The following CPXM2 variants were observed in gnomAD, a reference collection of about 807,000 sequenced individuals.
The protein encoded by CPXM2 is carboxypeptidase X, M14 family member 2, also known as inactive carboxypeptidase-like protein X2.
CPXM2 carries 66 observed loss-of-function variants against 86.1 expected under a neutral mutation model. That is an observed-to-expected ratio of 0.77 (90% CI 0.63 to 0.94). CPXM2 has a LOEUF of 0.94. CPXM2 is among the 40% of genes least tolerant of loss of function. The pLI is 0.00. For synonymous variants in CPXM2, 388 were observed against 400.2 expected (o/e 0.97, Z 0.36); for missense variants, 948 against 1,026.3 (o/e 0.92, Z 1.04).
intron 7 of CPXM2, among the ~76,000 whole-genome samples, chr10:123,779,283 G>A (rs904346254): frequency 1.1e-4 from 17 of 152,186 alleles, no homozygotes; most frequent in Non-Finnish European, 2.9e-5. Context: ...GGATTTCATA[G>A]GCACCGCACT....
intron 6 of CPXM2, among the ~76,000 whole-genome samples, chr10:123,781,315 T>A (rs999907408): frequency 6.6e-6 from 1 of 152,190 alleles, no homozygotes. Context: ...TGCATTCCTA[T>A]AAGCCTGTAT....
intron 2 of CPXM2, among the ~76,000 whole-genome samples, chr10:123,875,395 TCACTCC>T (rs1237502045): frequency 1.3e-5 from 2 of 152,196 alleles, no homozygotes; most frequent in Non-Finnish European, 2.9e-5. Context: ...ACCTCCCCTG[TCACTCC>T]CATAGGAGTC....
chr10:123,785,754 TC>T (rs1173522163), intron 6 of CPXM2, among the ~76,000 whole-genome samples: 2 of 150,942 alleles, frequency 1.3e-5, no homozygotes, highest in African/African-American at 2.4e-5. Context: ...TGTCTCAGCC[TC>T]CCGAGTAGCT....
chr10:123,797,987 C>T lies in CPXM2; in HGVS notation c.878G>A (p.Cys293Tyr), dbSNP rs765155654. Residue 293 changes from cysteine (C) to tyrosine (Y), a missense_variant, in exon 6 of 14, where the codon TGC becomes TAC. Cys to Tyr is a radical substitution (Grantham distance 194, BLOSUM62 -2). Transcript: ENST00000241305. ...SICMRMEILG[C>Y]PLPDPNNYYH... Reference sequence around the variant, plus strand: ...GAGGGTGAACTCACCTGGCAGTGGGCAGCCCAGGATCTCCATTCTCATGCA... The same window carrying T: ...GAGGGTGAACTCACCTGGCAGTGGGTAGCCCAGGATCTCCATTCTCATGCA... 1.9e-6 allele frequency: 3 copies of T among 1,601,258 alleles called. No homozygotes were observed. Among genetic ancestry groups the T allele is most frequent in the Non-Finnish European group, 2.6e-6 (3 of 1,173,920 alleles).
At chr10:123,747,271 C>G (rs541031337) in intron 13 of CPXM2, among the ~76,000 whole-genome samples, 1 of 152,224 alleles carries the variant, frequency 6.6e-6, no homozygotes, top group Admixed American at 6.5e-5. Flanking sequence ...AGGAGCAAAG[C>G]TGGAGAGCCG....
At chr10:123,893,698 G>C (rs1229667790), upstream of CPXM2, among the ~76,000 whole-genome samples, 1 of 151,982 alleles carries the variant, frequency 6.6e-6, no homozygotes, top group Admixed American at 6.6e-5. Flanking sequence ...TATCCCCAGG[G>C]CTCACTCCTG....
At chr10:123,828,459 T>A (rs59876900) in intron 4 of CPXM2, among the ~76,000 whole-genome samples, 27,703 of 152,188 alleles carry the variant, frequency 0.18, 3,378 homozygotes, top group East Asian at 0.4. Context: ...TTTTCCATGC[T>A]GTTCTCATGA....
At chr10:123,749,132 C>A (rs1426854059) in intron 13 of CPXM2, among the ~76,000 whole-genome samples, 2 of 152,090 alleles carry the variant, frequency 1.3e-5, no homozygotes, top group African/African-American at 4.8e-5. Flanking sequence ...TCTCAGCTAC[C>A]AAGGGTGCTC....
intron 6 of CPXM2, among the ~76,000 whole-genome samples, chr10:123,786,842 T>C (rs944878294): frequency 6.6e-6 from 1 of 152,200 alleles, no homozygotes; most frequent in African/African-American, 2.4e-5. Context: ...TTTCTTCAAA[T>C]GTTCACCTAT....
At chr10:123,877,803 C>T (rs926318272) in intron 2 of CPXM2, among the ~76,000 whole-genome samples, 1 of 152,228 alleles carries the variant, frequency 6.6e-6, no homozygotes, top group Non-Finnish European at 1.5e-5. Flanking sequence ...CCACAGCTGA[C>T]ACTACTCCTT....
At chr10:123,803,076 T>G (rs1056696059) in intron 4 of CPXM2, among the ~76,000 whole-genome samples, 1 of 147,474 alleles carries the variant, frequency 6.8e-6, no homozygotes, top group African/African-American at 2.5e-5. Context: ...ATTGCAAACA[T>G]CTCCTCCAAT....
At chr10:123,937,645 C>T (rs1945735726) in intron 2 of CPXM2, among the ~76,000 whole-genome samples, 1 of 152,138 alleles carries the variant, frequency 6.6e-6, no homozygotes, top group South Asian at 2.1e-4. Flanking sequence ...CTTGACAGTT[C>T]CTTGAAGCTC....
chr10:123,770,591 A>G (rs1846603863), intron 8 of CPXM2, among the ~76,000 whole-genome samples: 2 of 152,240 alleles, frequency 1.3e-5, no homozygotes, highest in Non-Finnish European at 2.9e-5. Context: ...GGAATCCTGA[A>G]GGAGGAGGAA....
intron 5 of CPXM2, 101 bp downstream of exon 5, chr10:123,799,014 G>A: frequency 7.3e-7 from 1 of 1,370,924 alleles, no homozygotes; most frequent in South Asian, 1.2e-5. Flanking sequence ...AGTTGACAGA[G>A]AATCCACAAA....
chr10:123,780,849 A>G (rs1846917594), intron 6 of CPXM2, among the ~76,000 whole-genome samples: 1 of 152,212 alleles, frequency 6.6e-6, no homozygotes, highest in East Asian at 1.9e-4. Context: ...TGACTGGACA[A>G]TCAGAACACA....
chr10:123,904,112 G>A (rs1386084986), intron 2 of CPXM2, among the ~76,000 whole-genome samples: 2 of 152,174 alleles, frequency 1.3e-5, no homozygotes, highest in African/African-American at 4.8e-5. Flanking sequence ...AACCTTCCCA[G>A]TTATTTATTA....
At chr10:123,855,007 C>T (rs1023968544) in intron 3 of CPXM2, among the ~76,000 whole-genome samples, 2 of 151,658 alleles carry the variant, frequency 1.3e-5, no homozygotes, top group African/African-American at 2.4e-5. Flanking sequence ...GTCCTTCTAC[C>T]GGCTTGTATG....
chr10:123,858,959 T>C (rs1385447296), intron 3 of CPXM2, among the ~76,000 whole-genome samples: 1 of 152,194 alleles, frequency 6.6e-6, no homozygotes, highest in Non-Finnish European at 1.5e-5. Context: ...ACCTGCACCT[T>C]CCTGATGACG....
At chr10:123,767,349 G>T (rs979274627) in intron 9 of CPXM2, among the ~76,000 whole-genome samples, 197 bp from the exon 10 acceptor site, 2 of 152,172 alleles carry the variant, frequency 1.3e-5, no homozygotes, top group African/African-American at 4.8e-5. Context: ...AGATAGTTCA[G>T]CCAAATTACT....
Sources: gnomAD v4.1 joint callset for allele counts (sites outside exome capture counted in the v4.1 genomes callset) on GRCh38, gnomAD v4.1.1 for gene constraint, MANE v1.5 for transcripts, NCBI Gene and HGNC (gene_info 2026-07-23, HGNC 2026-07-21) for gene names.